LGR6: variants seen among roughly 807,000 people sequenced by gnomAD.
The protein encoded by LGR6 is leucine rich repeat containing G protein-coupled receptor 6.
LGR6 carries 45 observed loss-of-function variants against 69.4 expected under a neutral mutation model. The ratio of observed to expected loss-of-function variants is 0.65; its 90% CI spans 0.51 to 0.83. The LOEUF (loss-of-function observed/expected upper bound fraction) is 0.83, where lower values mean the gene tolerates loss of function less well. Ranked by LOEUF, LGR6 falls within the 40% of genes least tolerant of loss-of-function variation. The pLI is 0.00. For synonymous variants in LGR6, 538 were observed against 555.0 expected (o/e 0.97, Z 0.43); for missense variants, 1,108 against 1,246.7 (o/e 0.89, Z 1.68).
chr1:202,218,084 A>G (rs1659905618), intron 1 of LGR6, among the ~76,000 whole-genome samples: 1 of 152,222 alleles, frequency 6.6e-6, no homozygotes, highest in Non-Finnish European at 1.5e-5. Context: ...AGGCTGTGCT[A>G]GAAACTAAGA....
At chr1:202,255,421 A>T (rs1663682321) in intron 4 of LGR6, among the ~76,000 whole-genome samples, 1 of 152,148 alleles carries the variant, frequency 6.6e-6, no homozygotes, top group South Asian at 2.1e-4. Context: ...CAAAGGTGGG[A>T]CACAGAGCAG....
At chr1:202,304,156 T>A (rs1442222007) in intron 10 of LGR6, among the ~76,000 whole-genome samples, 1 of 152,136 alleles carries the variant, frequency 6.6e-6, no homozygotes, top group Non-Finnish European at 1.5e-5. Context: ...CCCACTACGG[T>A]GTTTTTCTGT....
intron 1 of LGR6, chr1:202,197,349 A>G (rs964619737): frequency 3.2e-5 from 17 of 525,904 alleles, no homozygotes; most frequent in South Asian, 2.0e-4. Flanking sequence ...TTTGGGCTCA[A>G]TGCCAGCCCT....
chr1:202,232,474 CTT>C (rs1252927724), intron 3 of LGR6, among the ~76,000 whole-genome samples: 1 of 152,162 alleles, frequency 6.6e-6, no homozygotes, highest in Non-Finnish European at 1.5e-5. Context: ...TCCCCAGAGA[CTT>C]TGCCCCAGAG....
intron 1 of LGR6, among the ~76,000 whole-genome samples, chr1:202,224,598 A>G (rs1660381541): frequency 6.6e-6 from 1 of 152,228 alleles, no homozygotes; most frequent in Admixed American, 6.5e-5. Flanking sequence ...GTTCCACCTC[A>G]GATCATCAGG....
chr1:202,300,017 G>T (rs971314474), intron 7 of LGR6, among the ~76,000 whole-genome samples: 1 of 152,022 alleles, frequency 6.6e-6, no homozygotes, highest in African/African-American at 2.4e-5. Flanking sequence ...GGCCCATTCC[G>T]CACCTTATCC....
chr1:202,307,446 G>A (rs751806721), intron 14 of LGR6, 45 bp downstream of exon 14: 13 of 1,579,294 alleles, frequency 8.2e-6, no homozygotes, highest in African/African-American at 1.3e-5. Flanking sequence ...GGGGCCAGTC[G>A]GGACTATGGG....
Position 202,238,048 on chromosome 1 carries a change from C to T in LGR6, c.428+2055C>T, listed in dbSNP as rs74714189. Reference sequence around the variant, plus strand: ...ATGATGTTATTGTGAGATCGTTCATCTAACCAGTCATTGATCCTCCGCCGT... The same window carrying T: ...ATGATGTTATTGTGAGATCGTTCATTTAACCAGTCATTGATCCTCCGCCGT... On this transcript the variant is annotated intron_variant, in intron 4 of 17. Transcript: ENST00000367278. Among the ~76,000 whole-genome samples the T allele has an allele frequency of 2.5e-3, 371 of 150,078 alleles. 8 individuals are homozygous for T. In the East Asian group the frequency reaches 0.055, roughly 22 times the overall value.
intron 2 of LGR6, among the ~76,000 whole-genome samples, chr1:202,226,504 T>C (rs1318189): frequency 0.83 from 126,301 of 152,124 alleles, 52,986 homozygotes; most frequent in East Asian, 0.98. Context: ...CTTGCCACCG[T>C]GACCCTAGAC....
chr1:202,301,320 A>T, intron 9 of LGR6, 85 bp downstream of exon 9: 4 of 1,183,950 alleles, frequency 3.4e-6, no homozygotes, highest in Non-Finnish European at 3.7e-6. Flanking sequence ...TCGCCTGCGG[A>T]TCTCTCCCTT....
At chr1:202,223,263 G>A (rs981194839) in intron 1 of LGR6, among the ~76,000 whole-genome samples, 15 of 152,242 alleles carry the variant, frequency 9.9e-5, no homozygotes, top group Non-Finnish European at 1.8e-4. Flanking sequence ...GAGAAGCAGC[G>A]CTGGGTGCAG....
In LGR6 at chr1:202,280,762, G is replaced by A. The variant is rs773744083; in HGVS notation, c.645-19G>A. ...GTGCCGTGGGCACCCATTCTGATGC[G>A]TCTTTCCTTCCCGTGCAGGCATTTG... On this transcript the variant is annotated intron_variant, in intron 5 of 17. Coordinates refer to ENST00000367278, the MANE Select transcript of LGR6 (RefSeq NM_001017403.2). 33 of 1,613,818 alleles carry A rather than the reference G, an allele frequency of 2.0e-5. No individual in the cohort carries two copies. Among genetic ancestry groups the A allele is most frequent in the East Asian group, 8.9e-5 (4 of 44,888 alleles).
chr1:202,244,615 T>C (rs1558031487), intron 4 of LGR6, among the ~76,000 whole-genome samples: 1 of 152,176 alleles, frequency 6.6e-6, no homozygotes, highest in African/African-American at 2.4e-5. Context: ...CTGTGGTCTC[T>C]GATAAGGATA....
chr1:202,249,882 A>G (rs1003770989), intron 4 of LGR6, among the ~76,000 whole-genome samples: 2 of 152,102 alleles, frequency 1.3e-5, no homozygotes, highest in African/African-American at 4.8e-5. Flanking sequence ...TTTTCCCCAC[A>G]TTGCAGCCAG....
chr1:202,307,604 A>G lies in LGR6; in HGVS notation c.1280+203A>G, dbSNP rs183284248. ...AGATCCTGCCTCTTGTAAGCTCTGGAACATCATCTGCTAATGTTCTGCAGT... is the reference window on the plus strand; with the variant it reads ...AGATCCTGCCTCTTGTAAGCTCTGGGACATCATCTGCTAATGTTCTGCAGT... On this transcript the variant is annotated intron_variant, in intron 14 of 17. Coordinates refer to ENST00000367278, the MANE Select transcript of LGR6 (RefSeq NM_001017403.2). Among the ~76,000 whole-genome samples the G allele has an allele frequency of 3.9e-4, 60 of 152,298 alleles. 1 individual carries two copies. The highest frequency in any genetic ancestry group is 1.4e-3 in the African/African-American group (58 of 41,570).
At chr1:202,224,473 A>C (rs375262993) in intron 1 of LGR6, among the ~76,000 whole-genome samples, 3 of 152,288 alleles carry the variant, frequency 2.0e-5, no homozygotes, top group East Asian at 3.9e-4. Context: ...CATGTCTTCC[A>C]GGTGGACTAA....
At chr1:202,232,548 G>A (rs1422889487) in intron 3 of LGR6, among the ~76,000 whole-genome samples, 1 of 152,164 alleles carries the variant, frequency 6.6e-6, no homozygotes, top group East Asian at 1.9e-4. Flanking sequence ...CAGAGGTCAG[G>A]TGCAGTGGTT....
At chr1:202,264,497 C>A (rs1294655772) in intron 4 of LGR6, among the ~76,000 whole-genome samples, 1 of 152,246 alleles carries the variant, frequency 6.6e-6, no homozygotes, top group Non-Finnish European at 1.5e-5. Context: ...CAAGCAACCA[C>A]AGGACCCGGC....
Position 202,300,898 on chromosome 1 carries a change from G to A in LGR6, c.835G>A (p.Gly279Arg). 1 of 1,612,656 alleles carries A rather than the reference G, an allele frequency of 6.2e-7. No individual in the cohort carries two copies. The highest frequency in any genetic ancestry group is 8.5e-7 in the Non-Finnish European group (1 of 1,179,368). Reference sequence around the variant, plus strand: ...GGCCATCCCAGAAAAGGCCTTCATGGGGAACCCTCTGCTACAGACGATGTG... The same window carrying A: ...GGCCATCCCAGAAAAGGCCTTCATGAGGAACCCTCTGCTACAGACGATGTG... ...IKAIPEKAFM[G>R]NPLLQTIHFY... The change falls in exon 8 of 18, where the codon GGG becomes AGG. Residue 279 changes from glycine to arginine, a missense_variant. Physicochemically the swap from Gly to Arg is moderately radical, Grantham distance 125. Coordinates refer to ENST00000367278, the MANE Select transcript of LGR6 (RefSeq NM_001017403.2).
Sources: allele counts gnomAD v4.1 joint callset (sites outside exome capture counted in the v4.1 genomes callset), GRCh38; gene constraint gnomAD v4.1.1; transcripts MANE v1.5; gene names NCBI Gene and HGNC (gene_info 2026-07-23, HGNC 2026-07-21).